The following CHCHD6 variants were observed in gnomAD, a reference collection of about 807,000 sequenced individuals.
CHCHD6 encodes coiled-coil-helix-coiled-coil-helix domain containing 6.
A neutral mutation model predicts 32.3 loss-of-function variants in CHCHD6; 28 were observed. The observed-to-expected ratio is 0.87, with a 90% CI of 0.64 to 1.19. The LOEUF (loss-of-function observed/expected upper bound fraction) is 1.19, where lower values mean the gene tolerates loss of function less well. CHCHD6 is among the 50% of genes most tolerant of loss of function. CHCHD6 has a pLI of 0.00. For missense variants in CHCHD6, 333 were observed against 307.0 expected, an observed-to-expected ratio of 1.08 and a Z score of -0.63; for synonymous variants, 122 against 117.5, an observed-to-expected ratio of 1.04 and a Z score of -0.25.
intron 1 of CHCHD6, among the ~76,000 whole-genome samples, chr3:126,709,198 C>T (rs947401234): frequency 3.9e-5 from 6 of 152,096 alleles, no homozygotes; most frequent in Admixed American, 2.6e-4. Flanking sequence ...CCCATGGATA[C>T]GGAGGACTGA....
chr3:126,955,877 G>A (rs1415950068), intron 6 of CHCHD6, among the ~76,000 whole-genome samples: 1 of 152,196 alleles, frequency 6.6e-6, no homozygotes, highest in Admixed American at 6.5e-5. Context: ...GACCTCTGCT[G>A]CAGAGAGGAC....
At chr3:126,770,105 A>G (rs933313031) in intron 4 of CHCHD6, among the ~76,000 whole-genome samples, 1 of 151,992 alleles carries the variant, frequency 6.6e-6, no homozygotes, top group Non-Finnish European at 1.5e-5. Context: ...TTTTGTGGCT[A>G]TTGTGAATGG....
intron 5 of CHCHD6, among the ~76,000 whole-genome samples, chr3:126,857,543 A>G (rs1941704402): frequency 6.6e-6 from 1 of 152,090 alleles, no homozygotes; most frequent in South Asian, 2.1e-4. Flanking sequence ...CTGTTTTCTC[A>G]CTGACACCGC....
At chr3:126,802,733 G>A (rs561934784) in intron 4 of CHCHD6, among the ~76,000 whole-genome samples, 25 of 152,214 alleles carry the variant, frequency 1.6e-4, no homozygotes, top group African/African-American at 4.6e-4. Context: ...GATACTCCTC[G>A]AGAAGAGCAA....
At chr3:126,841,283 C>G (rs919042461) in intron 4 of CHCHD6, among the ~76,000 whole-genome samples, 2 of 152,082 alleles carry the variant, frequency 1.3e-5, no homozygotes, top group African/African-American at 4.8e-5. Context: ...TTTTCTTAAT[C>G]CAGTCTCATT....
At chr3:126,710,034 A>G (rs753651542) in intron 1 of CHCHD6, among the ~76,000 whole-genome samples, 4 of 152,236 alleles carry the variant, frequency 2.6e-5, no homozygotes, top group Non-Finnish European at 4.4e-5. Flanking sequence ...AAGCAGCCAT[A>G]GACAATATGC....
intron 3 of CHCHD6, 35 bp downstream of exon 3, chr3:126,730,665 G>A (rs774461224): frequency 1.1e-5 from 18 of 1,580,988 alleles, no homozygotes; most frequent in East Asian, 6.7e-5. Flanking sequence ...CCGGCACTGC[G>A]CTCCGCCTAA....
intron 6 of CHCHD6, among the ~76,000 whole-genome samples, chr3:126,955,107 A>AG (rs2078765379): frequency 6.6e-6 from 1 of 152,252 alleles, no homozygotes; most frequent in Non-Finnish European, 1.5e-5. Flanking sequence ...AAATGCCATG[A>AG]GGCCAGCCGT....
intron 6 of CHCHD6, among the ~76,000 whole-genome samples, chr3:126,946,792 T>TCAAG (rs2078645785): frequency 6.6e-6 from 1 of 152,186 alleles, no homozygotes; most frequent in East Asian, 1.9e-4. Flanking sequence ...AATGTCTAAT[T>TCAAG]CACTCGGAAT....
intron 4 of CHCHD6, among the ~76,000 whole-genome samples, chr3:126,842,211 T>TG (rs1941117373): frequency 6.6e-6 from 1 of 152,214 alleles, no homozygotes; most frequent in East Asian, 1.9e-4. Context: ...GGACATTTCT[T>TG]GGAGTACAGA....
intron 4 of CHCHD6, among the ~76,000 whole-genome samples, chr3:126,797,463 T>C (rs986970327): frequency 2.4e-4 from 36 of 152,190 alleles, no homozygotes; most frequent in African/African-American, 8.0e-4. Flanking sequence ...TGTCTGTTTC[T>C]AGTTATTGTT....
intron 4 of CHCHD6, among the ~76,000 whole-genome samples, chr3:126,820,798 A>G (rs1318170453): frequency 2.0e-5 from 3 of 152,202 alleles, no homozygotes; most frequent in Non-Finnish European, 2.9e-5. Flanking sequence ...TGTACTCCAC[A>G]TTCCTACCAC....
intron 4 of CHCHD6, among the ~76,000 whole-genome samples, chr3:126,814,479 G>A (rs1388372243): frequency 2.0e-5 from 3 of 152,172 alleles, no homozygotes; most frequent in Admixed American, 2.0e-4. Flanking sequence ...GGAGGATTGG[G>A]CCTTTAGCCC....
chr3:126,890,430 C>T (rs973177113), intron 5 of CHCHD6, among the ~76,000 whole-genome samples: 7 of 152,070 alleles, frequency 4.6e-5, no homozygotes, highest in African/African-American at 1.7e-4. Context: ...CAGTGTCCCA[C>T]CTAAAAACAG....
intron 4 of CHCHD6, among the ~76,000 whole-genome samples, chr3:126,750,247 A>G (rs1358425788): frequency 1.3e-5 from 2 of 152,318 alleles, no homozygotes; most frequent in East Asian, 3.9e-4. Context: ...CAAGCAGGGA[A>G]TATCCCACAG....
intron 5 of CHCHD6, among the ~76,000 whole-genome samples, chr3:126,897,407 A>T (rs951995947): frequency 1.3e-5 from 2 of 151,986 alleles, no homozygotes; most frequent in African/African-American, 4.8e-5. Flanking sequence ...TCAGGGTGTT[A>T]CTCTTTTAAC....
intron 4 of CHCHD6, among the ~76,000 whole-genome samples, chr3:126,783,922 GA>G (rs1938073348): frequency 6.6e-6 from 1 of 152,088 alleles, no homozygotes; most frequent in African/African-American, 2.4e-5. Context: ...ATCAGAAAGA[GA>G]TAAGTAATTC....
At chr3:126,856,241 T>C (rs974879359) in intron 5 of CHCHD6, among the ~76,000 whole-genome samples, 5 of 152,228 alleles carry the variant, frequency 3.3e-5, no homozygotes, top group Non-Finnish European at 5.9e-5. Context: ...CCCTGGCCCA[T>C]GGGTTGGACA....
At chr3:126,814,066 G>A (rs1188182107) in intron 4 of CHCHD6, among the ~76,000 whole-genome samples, 1 of 152,148 alleles carries the variant, frequency 6.6e-6, no homozygotes, top group Non-Finnish European at 1.5e-5. Flanking sequence ...GAATATTGAT[G>A]GGTAGCTTTC....
Sources: allele counts gnomAD v4.1 joint callset (sites outside exome capture counted in the v4.1 genomes callset), GRCh38; gene constraint gnomAD v4.1.1; transcripts MANE v1.5; gene names NCBI Gene and HGNC (gene_info 2026-07-23, HGNC 2026-07-21).